The following KIF13A variants were observed in gnomAD, a reference collection of about 807,000 sequenced individuals.
The protein encoded by KIF13A is kinesin family member 13A.
A neutral mutation model predicts 212.2 loss-of-function variants in KIF13A; 79 were observed. The ratio of observed to expected loss-of-function variants is 0.37; its 90% confidence interval spans 0.31 to 0.45. The LOEUF (loss-of-function observed/expected upper bound fraction) is 0.45. Among genes scored for constraint, KIF13A ranks in the 20% least tolerant of loss-of-function variants. KIF13A has a pLI of 1.00. For missense variants in KIF13A, 1,901 were observed against 2,209.0 expected, an observed-to-expected ratio of 0.86 and a Z score of 2.79; for synonymous variants, 789 against 808.6, an observed-to-expected ratio of 0.98 and a Z score of 0.41.
chr6:17,882,558 C>T (rs932401352), intron 3 of KIF13A, among the ~76,000 whole-genome samples: 1 of 151,762 alleles, frequency 6.6e-6, no homozygotes, highest in East Asian at 1.9e-4. Flanking sequence ...AATGTCACTC[C>T]TTTATAAATT....
intron 2 of KIF13A, among the ~76,000 whole-genome samples, chr6:17,960,369 T>C (rs1304272847): frequency 6.6e-6 from 1 of 152,214 alleles, no homozygotes. Flanking sequence ...TGACTAAACT[T>C]AACAAATGAA....
At chr6:17,930,386 T>A (rs938437529) in intron 2 of KIF13A, among the ~76,000 whole-genome samples, 1 of 152,082 alleles carries the variant, frequency 6.6e-6, no homozygotes, top group Non-Finnish European at 1.5e-5. Context: ...AGTAACAAAT[T>A]CCTCAGGTGA....
intron 22 of KIF13A, among the ~76,000 whole-genome samples, chr6:17,797,526 G>GA (rs1193071975): frequency 5.9e-5 from 9 of 152,128 alleles, no homozygotes; most frequent in Admixed American, 3.3e-4. Flanking sequence ...AATAATAACA[G>GA]AATTAAATTT....
chr6:17,869,301 T>C (rs560187738), intron 4 of KIF13A, among the ~76,000 whole-genome samples: 35 of 152,140 alleles, frequency 2.3e-4, no homozygotes, highest in Non-Finnish European at 3.8e-4. Flanking sequence ...TCTCAGTACA[T>C]TGCATTTTCT....
At chr6:17,822,490 G>A (rs1764546001) in intron 16 of KIF13A, among the ~76,000 whole-genome samples, 1 of 152,188 alleles carries the variant, frequency 6.6e-6, no homozygotes, top group African/African-American at 2.4e-5. Context: ...ATTAACAAAT[G>A]CTTACTGAAT....
Position 17,963,372 on chromosome 6 carries a change from C to T in KIF13A, c.146+23682G>A, listed in dbSNP as rs181833792. On this transcript the variant is annotated intron_variant, in intron 2 of 38. Transcript: ENST00000259711. This position sits in a 1 kb window ranked among gnomAD's most constrained non-coding sequence, Gnocchi z 4.1. ...GGGAGAGGCTGCAGTGAGCTAAGAT[C>T]GTGCCGTTGCACTCTAGCCTGGGCA... 6.6e-6 allele frequency among the ~76,000 whole-genome samples: 1 copy of T among 152,076 alleles called. No individual in the cohort carries two copies. The highest frequency in any genetic ancestry group is 1.5e-5 in the Non-Finnish European group (1 of 68,010).
chr6:17,929,914 T>C (rs1029046670), intron 2 of KIF13A, among the ~76,000 whole-genome samples: 1 of 152,182 alleles, frequency 6.6e-6, no homozygotes, highest in African/African-American at 2.4e-5. Flanking sequence ...CCAGTCTTCA[T>C]GATGGCACTA....
intron 38 of KIF13A, chr6:17,770,361 A>ATTTGTTTTTTTTTT (rs1759380279): frequency 8.4e-6 from 1 of 119,446 alleles, no homozygotes; most frequent in East Asian, 2.4e-4. Context: ...AATAAACAGG[A>ATTTGTTTTTTTTTT]TTTTTTTTTT....
intron 2 of KIF13A, among the ~76,000 whole-genome samples, chr6:17,929,137 T>C (rs9465081): frequency 2.4e-3 from 357 of 149,816 alleles, no homozygotes; most frequent in African/African-American, 7.8e-3. Flanking sequence ...GTTAAATCAC[T>C]ACCTGCTTTG....
chr6:17,831,334 C>A, intron 12 of KIF13A, 99 bp from the exon 13 acceptor site: 1 of 1,330,920 alleles, frequency 7.5e-7, no homozygotes, highest in South Asian at 1.4e-5. Context: ...GGGGACAATG[C>A]CAATGGGATT....
At chr6:17,845,403 C>T (rs1266645375) in intron 9 of KIF13A, among the ~76,000 whole-genome samples, 1 of 152,108 alleles carries the variant, frequency 6.6e-6, no homozygotes, top group Non-Finnish European at 1.5e-5. Flanking sequence ...CCAGAAGTAA[C>T]ATATATGAAT....
Position 17,951,051 on chromosome 6 carries a change from T to C in KIF13A, c.146+36003A>G. ...GGCTATCACAAACCCACTTTAGTAG[T>C]ACACCTAAGGACACCTAAGGAATTG... On this transcript the variant is annotated intron_variant, in intron 2 of 38. Coordinates refer to ENST00000259711, the MANE Select transcript of KIF13A (RefSeq NM_022113.6). This position sits in a 1 kb window ranked among gnomAD's most constrained non-coding sequence, Gnocchi z 4.9. 9.6e-7 allele frequency: 1 copy of C among 1,044,018 alleles called. No homozygotes were observed. The highest frequency in any genetic ancestry group is 1.2e-6 in the Non-Finnish European group (1 of 868,286). The allele number at this position is 1,044,018 out of a possible 1,614,324, so 64.7% of individuals were successfully genotyped here.
chr6:17,976,452 G>A (rs1453160572), intron 2 of KIF13A, among the ~76,000 whole-genome samples: 3 of 152,214 alleles, frequency 2.0e-5, no homozygotes, highest in Non-Finnish European at 4.4e-5. Flanking sequence ...TCATTGCCCG[G>A]GGCCGGCAAG....
chr6:17,882,072 T>G (rs1476589746), intron 3 of KIF13A: 2 of 456,924 alleles, frequency 4.4e-6, no homozygotes, highest in Non-Finnish European at 8.8e-6. Context: ...AGATATGTAA[T>G]CTGTAACCAT....
chr6:17,950,247 T>C (rs527511482), intron 2 of KIF13A, among the ~76,000 whole-genome samples: 2 of 152,122 alleles, frequency 1.3e-5, no homozygotes, highest in South Asian at 4.2e-4. Context: ...AAATACAAAA[T>C]TACAAATCTC....
Position 17,816,882 on chromosome 6 carries a change from G to T in KIF13A, c.2000+138C>A. ...GTGGACAATATTTGTGAAAGGAAAAGCTAATTGGCAATATCACGTATGGGA... is the reference window on the plus strand; with the variant it reads ...GTGGACAATATTTGTGAAAGGAAAATCTAATTGGCAATATCACGTATGGGA... On this transcript the variant is annotated intron_variant, in intron 17 of 38. Coordinates refer to ENST00000259711, the MANE Select transcript of KIF13A (RefSeq NM_022113.6). The surrounding 1 kb of genome is among the most constrained non-coding windows in gnomAD (Gnocchi z 4.3). 1 of 659,108 alleles carries T rather than the reference G, an allele frequency of 1.5e-6. No homozygotes were observed. Among genetic ancestry groups the T allele is most frequent in the Non-Finnish European group, 2.6e-6 (1 of 390,082 alleles). The allele number at this position is 659,108 out of a possible 1,614,324, so 40.8% of individuals were successfully genotyped here.
intron 12 of KIF13A, 73 bp from the exon 13 acceptor site, chr6:17,831,308 GT>G: frequency 6.6e-7 from 1 of 1,523,474 alleles, no homozygotes; most frequent in Admixed American, 2.0e-5. Flanking sequence ...CACGGAAAGA[GT>G]AAGTCACTGT....
intron 3 of KIF13A, among the ~76,000 whole-genome samples, chr6:17,891,177 TA>T (rs2150470336): frequency 6.6e-6 from 1 of 152,264 alleles, no homozygotes; most frequent in Non-Finnish European, 1.5e-5. Flanking sequence ...CACACTTCCA[TA>T]AATACTACAT....
intron 12 of KIF13A, among the ~76,000 whole-genome samples, chr6:17,833,294 G>C (rs1415396028): frequency 2.6e-5 from 4 of 151,394 alleles, no homozygotes; most frequent in Non-Finnish European, 4.4e-5. Context: ...CAGAGTTTGA[G>C]ACCAGCCCGG....
Sources: gnomAD v4.1 joint callset for allele counts (sites outside exome capture counted in the v4.1 genomes callset) on GRCh38, gnomAD v4.1.1 for gene constraint, Gnocchi (gnomAD v3.1) non-coding constraint, MANE v1.5 for transcripts, NCBI Gene and HGNC (gene_info 2026-07-23, HGNC 2026-07-21) for gene names.